FGF12: variants seen among roughly 807,000 people sequenced by gnomAD.
The protein encoded by FGF12 is fibroblast growth factor 12B.
In FGF12, 14 loss-of-function variants were observed where a neutral mutation model predicts 23.6. That is an observed-to-expected ratio of 0.59 (90% confidence interval 0.39 to 0.93). The LOEUF (loss-of-function observed/expected upper bound fraction) is 0.93. Among genes scored for constraint, FGF12 ranks in the 40% least tolerant of loss-of-function variants. The pLI, the probability that FGF12 is intolerant of heterozygous loss-of-function variation, is 0.00. For synonymous variants in FGF12, 62 were observed against 77.3 expected (o/e 0.80, Z 1.04); for missense variants, 175 against 217.8 (o/e 0.80, Z 1.24).
At chr3:192,567,927 G>A (rs1712419004) in intron 2 of FGF12, among the ~76,000 whole-genome samples, 1 of 151,246 alleles carries the variant, frequency 6.6e-6, no homozygotes, top group Non-Finnish European at 1.5e-5. Flanking sequence ...CCCCCTCCTA[G>A]GTGCAAGTGA....
intron 4 of FGF12, among the ~76,000 whole-genome samples, chr3:192,226,426 A>C (rs540956338): frequency 6.6e-6 from 1 of 152,308 alleles, no homozygotes; most frequent in Admixed American, 6.5e-5. Context: ...AATAAGAATA[A>C]GGCAGAATTG....
intron 4 of FGF12, among the ~76,000 whole-genome samples, chr3:192,230,671 A>C (rs1017584478): frequency 2.6e-5 from 4 of 152,166 alleles, no homozygotes; most frequent in African/African-American, 7.2e-5. Context: ...ATTTTGATGA[A>C]ATCTAATGTC....
chr3:192,639,553 T>G (rs77628526), intron 2 of FGF12, among the ~76,000 whole-genome samples: 2,417 of 152,332 alleles, frequency 0.016, 42 homozygotes, highest in Middle Eastern at 0.048. Context: ...ACAATGTAAG[T>G]GTCCATCATC....
intron 2 of FGF12, among the ~76,000 whole-genome samples, chr3:192,542,425 C>T (rs560523137): frequency 5.3e-5 from 8 of 152,122 alleles, no homozygotes; most frequent in East Asian, 1.9e-4. Flanking sequence ...AATTTCATTG[C>T]GAGTCCTCAA....
intron 2 of FGF12, among the ~76,000 whole-genome samples, chr3:192,663,208 C>T (rs185692673): frequency 4.0e-4 from 61 of 152,232 alleles, no homozygotes; most frequent in Admixed American, 1.2e-3. Flanking sequence ...GGTTGTCAGG[C>T]AGTTGTCTAT....
intron 2 of FGF12, among the ~76,000 whole-genome samples, chr3:192,657,637 C>T (rs566688054): frequency 1.6e-4 from 24 of 152,222 alleles, no homozygotes; most frequent in Middle Eastern, 6.8e-3. Flanking sequence ...CTATGAGATT[C>T]GGACTCATGT....
chr3:192,468,314 T>C (rs1300249131), intron 2 of FGF12, among the ~76,000 whole-genome samples: 4 of 152,246 alleles, frequency 2.6e-5, no homozygotes, highest in Non-Finnish European at 5.9e-5. Context: ...GCCTTATTCA[T>C]AGTTTACCAG....
chr3:192,502,907 T>C (rs1426177742), intron 2 of FGF12, among the ~76,000 whole-genome samples: 1 of 152,232 alleles, frequency 6.6e-6, no homozygotes, highest in Non-Finnish European at 1.5e-5. Flanking sequence ...ATAGCTAATA[T>C]CTAGCTTAAC....
chr3:192,621,794 G>C (rs1426072821), intron 2 of FGF12, among the ~76,000 whole-genome samples: 1 of 151,498 alleles, frequency 6.6e-6, no homozygotes, highest in African/African-American at 2.4e-5. Flanking sequence ...AAGAAATCTG[G>C]AAAGCTTGGC....
intron 2 of FGF12, among the ~76,000 whole-genome samples, chr3:192,554,082 C>A (rs73887626): frequency 1.6e-3 from 244 of 152,300 alleles, no homozygotes; most frequent in African/African-American, 5.7e-3. Flanking sequence ...TTCTGTCTTG[C>A]CTGTCTTGGA....
intron 2 of FGF12, among the ~76,000 whole-genome samples, chr3:192,377,899 T>C (rs1014166783): frequency 1.3e-5 from 2 of 152,148 alleles, no homozygotes; most frequent in Non-Finnish European, 2.9e-5. Context: ...AAACCACCAG[T>C]GAGGAAAGCT....
At chr3:192,610,472 C>T (rs1420304672) in intron 2 of FGF12, among the ~76,000 whole-genome samples, 2 of 151,986 alleles carry the variant, frequency 1.3e-5, no homozygotes, top group African/African-American at 4.8e-5. Context: ...TAAAATCTGG[C>T]CACTGTTTAT....
chr3:192,273,878 G>C (rs776188179), intron 4 of FGF12, among the ~76,000 whole-genome samples: 14 of 150,730 alleles, frequency 9.3e-5, no homozygotes, highest in Non-Finnish European at 2.1e-4. Flanking sequence ...TCAAGGATTT[G>C]AGTCTTCAGG....
At position 192,183,183 on chromosome 3, in the gene FGF12, T is replaced by C. The variant is rs569043348; in HGVS notation, c.229-12527A>G. On this transcript the variant is annotated intron_variant, in intron 4 of 5. Transcript: ENST00000445105. ...ATCCTTTTTATGGATCTGGAGAGCA[T>C]GTAAGATTTTTTTTTTTTAGAAAAG... Among the ~76,000 whole-genome samples the C allele has an allele frequency of 1.1e-4, 17 of 150,540 alleles. No individual in the cohort carries two copies. In the South Asian group the frequency reaches 3.3e-3, roughly 30 times the overall value.
intron 4 of FGF12, among the ~76,000 whole-genome samples, chr3:192,202,114 A>G (rs2108663018): frequency 6.6e-6 from 1 of 152,316 alleles, no homozygotes; most frequent in East Asian, 1.9e-4. Context: ...TTCTATGCAA[A>G]AATGTCTTAA....
chr3:192,158,116 C>T (rs374288604), intron 5 of FGF12, among the ~76,000 whole-genome samples: 10 of 152,170 alleles, frequency 6.6e-5, no homozygotes, highest in African/African-American at 2.4e-4. Context: ...TTTGACTGGT[C>T]GTAAGTCAAA....
rs562701593 is a variant in FGF12, at chr3:192,435,913, C to A, written c.14-75375G>T. 3.7e-4 allele frequency among the ~76,000 whole-genome samples: 57 copies of A among 152,276 alleles called. No homozygotes were observed. In the Middle Eastern group the frequency reaches 0.01, roughly 27 times the overall value. ...ATTTGCTTAACCAGCTTTTACAATT[C>A]CCTGGCATTTTTAAAAAGAATATTT... On this transcript the variant is annotated intron_variant, in intron 2 of 5. Transcript: ENST00000445105.
chr3:192,324,398 G>A (rs1375387948), intron 4 of FGF12, among the ~76,000 whole-genome samples: 2 of 152,092 alleles, frequency 1.3e-5, no homozygotes, highest in African/African-American at 2.4e-5. Context: ...AGCTGTTTGA[G>A]GGTACACCAA....
At chr3:192,717,240 A>G (rs1468171437) in intron 2 of FGF12, among the ~76,000 whole-genome samples, 2 of 152,210 alleles carry the variant, frequency 1.3e-5, no homozygotes, top group African/African-American at 4.8e-5. Flanking sequence ...GGTTAAGCTC[A>G]TAGACTCTGA....
Sources: gnomAD v4.1 joint callset for allele counts (sites outside exome capture counted in the v4.1 genomes callset) on GRCh38, gnomAD v4.1.1 for gene constraint, MANE v1.5 for transcripts, NCBI Gene and HGNC (gene_info 2026-07-23, HGNC 2026-07-21) for gene names.